Variants in MYO7B observed in about 807,000 individuals in gnomAD.
MYO7B encodes the protein myosin VIIB.
In MYO7B, 212 loss-of-function variants were observed where a neutral mutation model predicts 259.7. The ratio of observed to expected loss-of-function variants is 0.82; its 90% CI spans 0.73 to 0.91. The LOEUF is 0.91. Ranked by LOEUF, MYO7B falls within the 40% of genes least tolerant of loss-of-function variation. The pLI, the probability that MYO7B is intolerant of heterozygous loss-of-function variation, is 0.00. For synonymous variants in MYO7B, 1,197 were observed against 1,166.4 expected, an observed-to-expected ratio of 1.03 and a Z score of -0.54; for missense variants, 2,732 against 2,813.5, an observed-to-expected ratio of 0.97 and a Z score of 0.66.
chr2:127,612,768 T>A (rs2105044701), intron 26 of MYO7B, among the ~76,000 whole-genome samples, 165 bp downstream of exon 26: 1 of 152,328 alleles, frequency 6.6e-6, no homozygotes, highest in South Asian at 2.1e-4. Context: ...GAGGGTTCTC[T>A]ATGTGCTCTG....
chr2:127,571,158 G>C (rs927602102), intron 6 of MYO7B, among the ~76,000 whole-genome samples: 3 of 152,122 alleles, frequency 2.0e-5, no homozygotes, highest in Non-Finnish European at 4.4e-5. Flanking sequence ...AGAAACTTCC[G>C]AAATGTTTTC....
At chr2:127,575,145 C>T (rs1678814616) in intron 7 of MYO7B, among the ~76,000 whole-genome samples, 1 of 152,318 alleles carries the variant, frequency 6.6e-6, no homozygotes, top group East Asian at 1.9e-4. Flanking sequence ...TAGTGACCCT[C>T]CGACCTGGTG....
chr2:127,586,325 C>T lies in MYO7B; in HGVS notation c.1690+1412C>T, dbSNP rs112639268. 5.3e-5 allele frequency among the ~76,000 whole-genome samples: 8 copies of T among 152,196 alleles called. No homozygotes were observed. Among genetic ancestry groups the T allele is most frequent in the African/African-American group, 1.9e-4 (8 of 41,524 alleles). On this transcript the variant is annotated intron_variant, in intron 14 of 47. Transcript: ENST00000409816. The surrounding 1 kb of genome is among the most constrained non-coding windows in gnomAD (Gnocchi z 4.8). ...TGCCAAGAAAAACGAGGAAGGTGGC[C>T]GTGGGCTGCTGTGGTCAGGAAAGCA...
rs59002626 is a variant in MYO7B, at chr2:127,560,030, CTT to C, written c.18+303_18+304del. ...GATTTCTTTTCTTTTCTTTTCTTTT[CTT>C]TTTTTTTTTTTTCAGACAGGGTCTC... On this transcript the variant is annotated intron_variant, in intron 2 of 47. Coordinates refer to ENST00000409816, the MANE Select transcript of MYO7B (RefSeq NM_001393586.1). 1.2e-3 allele frequency among the ~76,000 whole-genome samples: 168 copies of C among 138,114 alleles called. 1 individual carries two copies. The highest frequency in any genetic ancestry group is 2.4e-3 in the African/African-American group (87 of 36,600). 90.6% of individuals were successfully genotyped at this position (138,114 alleles called of 152,430 possible). A position where few individuals can be genotyped will look rare whatever the true frequency, so the allele number is the denominator to read the frequency against.
intron 6 of MYO7B, among the ~76,000 whole-genome samples, 191 bp from the exon 7 acceptor site, chr2:127,573,729 T>G (rs1382978403): frequency 1.3e-5 from 2 of 152,218 alleles, no homozygotes; most frequent in African/African-American, 2.4e-5. Context: ...TTTTCTGACC[T>G]CCGAGGTTTT....
chr2:127,576,774 C>T lies in MYO7B; in HGVS notation c.849+66C>T. On this transcript the variant is annotated intron_variant, in intron 8 of 47. Transcript: ENST00000409816. The surrounding 1 kb of genome is among the most constrained non-coding windows in gnomAD (Gnocchi z 4.9). ...GGAGGAAAAAGAGCTTGTGCCGCTC[C>T]ACCCTCCGCGACAGCTGCAGAGAAG... 8.3e-7 allele frequency: 1 copy of T among 1,201,654 alleles called. No homozygotes were observed. Among genetic ancestry groups the T allele is most frequent in the Non-Finnish European group, 1.2e-6 (1 of 839,020 alleles). The allele number at this position is 1,201,654 out of a possible 1,614,324, so 74.4% of individuals were successfully genotyped here.
At chr2:127,594,410 G>A (rs1373214351) in intron 18 of MYO7B, among the ~76,000 whole-genome samples, 1 of 152,216 alleles carries the variant, frequency 6.6e-6, no homozygotes, top group Non-Finnish European at 1.5e-5. Flanking sequence ...CATAGTGCCT[G>A]CCCACCTGCC....
chr2:127,608,673 G>T, intron 21 of MYO7B, 35 bp from the exon 22 acceptor site: 2 of 1,590,380 alleles, frequency 1.3e-6, no homozygotes, highest in Non-Finnish European at 1.7e-6. Flanking sequence ...AGCCCTGCTG[G>T]GCCCCTGGGT....
At chr2:127,563,293 T>A (rs1015974369) in intron 2 of MYO7B, among the ~76,000 whole-genome samples, 1 of 152,226 alleles carries the variant, frequency 6.6e-6, no homozygotes, top group Non-Finnish European at 1.5e-5. Flanking sequence ...CACAGAACTG[T>A]GCTGGTTCCT....
At chr2:127,560,046 A>C (rs182290597) in intron 2 of MYO7B, among the ~76,000 whole-genome samples, 2 of 130,552 alleles carry the variant, frequency 1.5e-5, no homozygotes, top group East Asian at 4.3e-4. Context: ...TTTTTTTTTC[A>C]GACAGGGTCT....
intron 5 of MYO7B, among the ~76,000 whole-genome samples, chr2:127,567,479 C>G (rs940542103): frequency 4.6e-5 from 7 of 152,180 alleles, no homozygotes; most frequent in African/African-American, 1.7e-4. Context: ...CTACCAGTGA[C>G]CACAGACCCT....
chr2:127,608,249 C>T (rs1203133951), intron 21 of MYO7B, among the ~76,000 whole-genome samples: 1 of 152,228 alleles, frequency 6.6e-6, no homozygotes, highest in Admixed American at 6.5e-5. Flanking sequence ...GACACGTCAG[C>T]AGCATGCTTC....
intron 16 of MYO7B, among the ~76,000 whole-genome samples, chr2:127,591,351 T>C (rs2104971539): frequency 6.6e-6 from 1 of 152,270 alleles, no homozygotes; most frequent in East Asian, 1.9e-4. Context: ...CCTTGGGAGC[T>C]GGGAGTTGCA....
intron 15 of MYO7B, 148 bp downstream of exon 15, chr2:127,588,703 G>A (rs1679401234): frequency 3.4e-6 from 3 of 887,204 alleles, no homozygotes; most frequent in Non-Finnish European, 5.0e-6. Context: ...ATGGATGGGT[G>A]AATGGATGGG....
chr2:127,603,231 A>C (rs1477049376), intron 19 of MYO7B, among the ~76,000 whole-genome samples: 1 of 152,122 alleles, frequency 6.6e-6, no homozygotes, highest in African/African-American at 2.4e-5. Context: ...CTGAATCATG[A>C]ATGTTCTTAG....
chr2:127,570,732 T>C (rs377054997), intron 6 of MYO7B, among the ~76,000 whole-genome samples: 3 of 151,956 alleles, frequency 2.0e-5, no homozygotes, highest in Admixed American at 6.6e-5. Flanking sequence ...AGATCTTCTC[T>C]CACACCCCTT....
Position 127,626,993 on chromosome 2 carries a change from C to T in MYO7B, c.4234C>T (p.Gln1412Ter). 6.2e-7 allele frequency: 1 copy of T among 1,611,610 alleles called. No individual in the cohort carries two copies. The highest frequency in any genetic ancestry group is 8.5e-7 in the Non-Finnish European group (1 of 1,179,174). Residue 1412 changes from glutamine to a stop codon, truncating the protein, a stop_gained, in exon 32 of 48, where the codon CAA (glutamine) becomes TAA (stop). Transcript: ENST00000409816. LOFTEE classifies it high-confidence loss of function. Reference sequence around the variant, plus strand: ...CCCTCAGGCCCCATACACTCAGAAGCAAGTCACACCACTGGCCGTGCGAGA... The same window carrying T: ...CCCTCAGGCCCCATACACTCAGAAGTAAGTCACACCACTGGCCGTGCGAGA... ...ACAKAPYTQK[Q>*]VTPLAVREQV...
In MYO7B at chr2:127,593,654, C is replaced by G. The variant is rs370672293; in HGVS notation, c.2244+10C>G. On this transcript the variant is annotated intron_variant, in intron 18 of 47. Coordinates refer to ENST00000409816, the MANE Select transcript of MYO7B (RefSeq NM_001393586.1). ...AAAAATTTTCCTGAGGGTGAGACCC[C>G]GAGGAACCAGCCAGCTGTCGGCCTC... 3 of 1,612,362 alleles carry G rather than the reference C, an allele frequency of 1.9e-6. No homozygotes were observed. Among genetic ancestry groups the G allele is most frequent in the African/African-American group, 2.7e-5 (2 of 74,912 alleles).
At chr2:127,629,567 A>G in intron 34 of MYO7B, 78 bp from the exon 35 acceptor site, 1 of 1,412,456 alleles carries the variant, frequency 7.1e-7, no homozygotes, top group Non-Finnish European at 9.6e-7. Context: ...CATCTGTCAA[A>G]GGAGATGACC....
Sources: allele counts gnomAD v4.1 joint callset (sites outside exome capture counted in the v4.1 genomes callset), GRCh38; gene constraint gnomAD v4.1.1; non-coding constraint Gnocchi (gnomAD v3.1); transcripts MANE v1.5; gene names NCBI Gene and HGNC (gene_info 2026-07-23, HGNC 2026-07-21).